The following XYLB variants were observed in gnomAD, a reference collection of about 807,000 sequenced individuals.
XYLB encodes xylulose kinase.
Under a neutral mutation model 78.7 loss-of-function variants are expected in XYLB, and 62 were observed. The ratio of observed to expected loss-of-function variants is 0.79; its 90% CI spans 0.64 to 0.97. The LOEUF (loss-of-function observed/expected upper bound fraction) is 0.97. Ranked by LOEUF, XYLB falls within the 50% of genes least tolerant of loss-of-function variation. XYLB has a pLI of 0.00. For synonymous variants in XYLB, 245 were observed against 247.4 expected (o/e 0.99, Z 0.09); for missense variants, 687 against 676.8 (o/e 1.02, Z -0.17).
At chr3:38,353,285 G>T (rs1705465969) in intron 2 of XYLB, among the ~76,000 whole-genome samples, 1 of 152,078 alleles carries the variant, frequency 6.6e-6, no homozygotes, top group Non-Finnish European at 1.5e-5. Context: ...TTCAGTTGTT[G>T]TAACACCAAC....
chr3:38,407,272 C>G (rs1237341606), intron 18 of XYLB, among the ~76,000 whole-genome samples: 11 of 150,238 alleles, frequency 7.3e-5, no homozygotes, highest in African/African-American at 2.7e-4. Flanking sequence ...AATTTCATAT[C>G]CAGCCAAACT....
chr3:38,395,639 A>G (rs1213019031), intron 16 of XYLB, 76 bp downstream of exon 16: 34 of 1,483,904 alleles, frequency 2.3e-5, no homozygotes, highest in Middle Eastern at 3.4e-4. Context: ...ACTGGATAGG[A>G]AGGACAGCCT....
intron 1 of XYLB, among the ~76,000 whole-genome samples, chr3:38,347,794 C>T (rs1705151767): frequency 6.6e-6 from 1 of 152,252 alleles, no homozygotes. Context: ...GCCAGAGGAG[C>T]AGTGTGCTGC....
At position 38,413,127 on chromosome 3, in the gene XYLB, G is replaced by A. The variant is rs1399542831; in HGVS notation, c.*114G>A. 1.6e-5 allele frequency: 17 copies of A among 1,064,992 alleles called. No individual in the cohort carries two copies. The highest frequency in any genetic ancestry group is 2.1e-5 in the Non-Finnish European group (16 of 762,130). 66.0% of individuals were successfully genotyped at this position (1,064,992 alleles called of 1,614,324 possible). On this transcript the variant is annotated 3_prime_UTR_variant, in exon 19 of 19. Coordinates refer to ENST00000207870, the MANE Select transcript of XYLB (RefSeq NM_005108.4). ...CTGAACAGCTCTTCCTGCCCCTACT[G>A]ACTCCTTGGAGTGTCCAGGACCATC...
the XYLB span, among the ~76,000 whole-genome samples, chr3:38,434,110 AACTC>A: frequency 3.9e-5 from 6 of 152,214 alleles, no homozygotes; most frequent in Non-Finnish European, 5.9e-5. Context: ...ATCTTGTGAG[AACTC>A]ACTCACTATC....
intron 18 of XYLB, among the ~76,000 whole-genome samples, chr3:38,405,485 A>T (rs1313620907): frequency 1.3e-5 from 2 of 151,720 alleles, no homozygotes; most frequent in Admixed American, 6.6e-5. Context: ...TGCATTTTCC[A>T]TCTGAGGTAC....
the XYLB span, among the ~76,000 whole-genome samples, chr3:38,447,738 C>A: frequency 1.3e-5 from 2 of 152,068 alleles, no homozygotes; most frequent in African/African-American, 4.8e-5. Flanking sequence ...ATCCTGCAAT[C>A]CCAGTATTGG....
intron 18 of XYLB, among the ~76,000 whole-genome samples, chr3:38,408,505 G>A (rs561008496): frequency 6.6e-6 from 1 of 151,082 alleles, no homozygotes; most frequent in African/African-American, 2.4e-5. Flanking sequence ...ACATTCAAAA[G>A]CTAGCAGAAG....
chr3:38,440,856 G>C, the XYLB span, among the ~76,000 whole-genome samples: 1 of 150,636 alleles, frequency 6.6e-6, no homozygotes, highest in Admixed American at 6.6e-5. Context: ...CTGACTTTCT[G>C]TCTTTGTCTC....
At chr3:38,370,020 C>A in intron 8 of XYLB, 36 bp from the exon 9 acceptor site, 1 of 1,582,224 alleles carries the variant, frequency 6.3e-7, no homozygotes, top group Non-Finnish European at 8.7e-7. Context: ...GGTCCATTTT[C>A]AAGATTGTCT....
chr3:38,410,388 A>G (rs1280231208), intron 18 of XYLB, among the ~76,000 whole-genome samples: 1 of 152,214 alleles, frequency 6.6e-6, no homozygotes, highest in Non-Finnish European at 1.5e-5. Flanking sequence ...TCAATTCAAG[A>G]TGGATTAAAG....
chr3:38,433,667 A>G, the XYLB span, among the ~76,000 whole-genome samples: 1 of 152,146 alleles, frequency 6.6e-6, no homozygotes, highest in Admixed American at 6.6e-5. Context: ...CAATTCCCAA[A>G]AAGTTCTTCA....
At chr3:38,380,943 T>C (rs1351478445) in intron 15 of XYLB, among the ~76,000 whole-genome samples, 1 of 152,150 alleles carries the variant, frequency 6.6e-6, no homozygotes, top group African/African-American at 2.4e-5. Context: ...GACATACATA[T>C]GGCAGGGGTC....
chr3:38,438,838 T>G, the XYLB span, among the ~76,000 whole-genome samples: 1 of 152,218 alleles, frequency 6.6e-6, no homozygotes, highest in Non-Finnish European at 1.5e-5. Context: ...TGGTCCATTT[T>G]ACAGTGTGCT....
At chr3:38,415,752 A>T (rs1708768258), downstream of XYLB, among the ~76,000 whole-genome samples, 2 of 152,204 alleles carry the variant, frequency 1.3e-5, no homozygotes, top group Admixed American at 1.3e-4. Context: ...ACTTCACTCC[A>T]GCCTGGGCAA....
rs1348346993 is a variant in XYLB at position 38,391,281 on chromosome 3, T to C, written c.1292-4224T>C. Among the ~76,000 whole-genome samples the C allele has an allele frequency of 2.0e-5, 3 of 152,158 alleles. 1 individual carries two copies. Among genetic ancestry groups the C allele is most frequent in the African/African-American group, 7.2e-5 (3 of 41,442 alleles). On this transcript the variant is annotated intron_variant, in intron 15 of 18. Coordinates refer to ENST00000207870, the MANE Select transcript of XYLB (RefSeq NM_005108.4). Reference sequence around the variant, plus strand: ...GAACACTAGAACCTTGGAGTCTTGCTGTGCTCCTCTTCCACTGTATCCTCA... The same window carrying C: ...GAACACTAGAACCTTGGAGTCTTGCCGTGCTCCTCTTCCACTGTATCCTCA...
chr3:38,442,720 AT>A, the XYLB span, among the ~76,000 whole-genome samples: 37,742 of 98,564 alleles, frequency 0.38, 6,800 homozygotes, highest in Non-Finnish European at 0.48. Context: ...GGACTGCTGC[AT>A]TTTTTTTTTT....
chr3:38,363,866 T>C (rs1174912433), intron 4 of XYLB, among the ~76,000 whole-genome samples: 1 of 152,226 alleles, frequency 6.6e-6, no homozygotes, highest in Non-Finnish European at 1.5e-5. Context: ...GGATCACTTT[T>C]CTCCATGCTG....
chr3:38,423,885 C>G (rs1412598228), downstream of XYLB, among the ~76,000 whole-genome samples: 1 of 152,134 alleles, frequency 6.6e-6, no homozygotes, highest in Non-Finnish European at 1.5e-5. Flanking sequence ...TACTTGGGGA[C>G]CTTAGTAAAT....
Sources: gnomAD v4.1 joint callset for allele counts (sites outside exome capture counted in the v4.1 genomes callset) on GRCh38, gnomAD v4.1.1 for gene constraint, MANE v1.5 for transcripts, NCBI Gene and HGNC (gene_info 2026-07-23, HGNC 2026-07-21) for gene names.